SPTLC3: variants seen among roughly 807,000 people sequenced by gnomAD.
The protein encoded by SPTLC3 is serine palmitoyltransferase long chain base subunit 3, also known as serine palmitoyltransferase 3.
In SPTLC3, 36 loss-of-function variants were observed where a neutral mutation model predicts 59.3. The observed-to-expected ratio is 0.61, with a 90% CI of 0.47 to 0.80. SPTLC3 has a LOEUF of 0.80. SPTLC3 is among the 30% of genes least tolerant of loss of function. The pLI is 0.00. For synonymous variants in SPTLC3, 257 were observed against 240.8 expected, an observed-to-expected ratio of 1.07 and a Z score of -0.62; for missense variants, 625 against 685.1, an observed-to-expected ratio of 0.91 and a Z score of 0.98.
At chr20:13,059,605 C>A (rs556478057) in intron 2 of SPTLC3, among the ~76,000 whole-genome samples, 1 of 152,148 alleles carries the variant, frequency 6.6e-6, no homozygotes, top group Non-Finnish European at 1.5e-5. Flanking sequence ...TGGCAATTAA[C>A]GGTTACAGAT....
intron 11 of SPTLC3, among the ~76,000 whole-genome samples, chr20:13,164,201 G>C (rs2038952061): frequency 6.6e-6 from 1 of 152,148 alleles, no homozygotes; most frequent in South Asian, 2.1e-4. Context: ...AAGTAAGAGA[G>C]TTGAAACAGA....
At chr20:13,059,317 G>T (rs115641608) in intron 2 of SPTLC3, among the ~76,000 whole-genome samples, 3 of 152,148 alleles carry the variant, frequency 2.0e-5, no homozygotes, top group Non-Finnish European at 4.4e-5. Context: ...CTGTTACGTC[G>T]CTAGTATCGC....
chr20:13,118,569 T>G (rs1032324482), intron 8 of SPTLC3, among the ~76,000 whole-genome samples: 1 of 152,132 alleles, frequency 6.6e-6, no homozygotes, highest in Non-Finnish European at 1.5e-5. Context: ...GCCAGTTATC[T>G]GAACAATGAG....
intron 9 of SPTLC3, among the ~76,000 whole-genome samples, chr20:13,150,598 C>T (rs1347168221): frequency 6.6e-6 from 1 of 152,178 alleles, no homozygotes; most frequent in East Asian, 1.9e-4. Context: ...TTTGTTTTCT[C>T]CCTCTCTGGT....
intron 1 of SPTLC3, among the ~76,000 whole-genome samples, chr20:13,030,890 C>G (rs1986410133): frequency 6.6e-6 from 1 of 152,122 alleles, no homozygotes; most frequent in African/African-American, 2.4e-5. Flanking sequence ...TGAACTAGGT[C>G]AGATCCCATC....
At chr20:13,022,592 T>C (rs1468984249) in intron 1 of SPTLC3, among the ~76,000 whole-genome samples, 2 of 152,084 alleles carry the variant, frequency 1.3e-5, no homozygotes, top group African/African-American at 4.8e-5. Flanking sequence ...ACCTGGCACC[T>C]GGGCTGGGAA....
At chr20:13,150,862 G>T (rs954745622) in intron 9 of SPTLC3, among the ~76,000 whole-genome samples, 2 of 152,068 alleles carry the variant, frequency 1.3e-5, no homozygotes, top group Non-Finnish European at 2.9e-5. Flanking sequence ...TTTTTGTGTG[G>T]TTAGTACTTG....
intron 9 of SPTLC3, among the ~76,000 whole-genome samples, chr20:13,140,951 G>A (rs2038367496): frequency 2.0e-5 from 3 of 152,148 alleles, no homozygotes; most frequent in African/African-American, 7.2e-5. Context: ...ACCCAATGTG[G>A]ACTGGGAGAA....
intron 1 of SPTLC3, among the ~76,000 whole-genome samples, chr20:13,018,928 T>C (rs998015746): frequency 7.2e-5 from 11 of 152,250 alleles, no homozygotes; most frequent in African/African-American, 2.6e-4. Context: ...TGATTTGGAG[T>C]TCAAATTAAC....
At chr20:13,081,978 T>C (rs1359879456) in intron 4 of SPTLC3, among the ~76,000 whole-genome samples, 4 of 152,160 alleles carry the variant, frequency 2.6e-5, no homozygotes, top group Admixed American at 2.0e-4. Flanking sequence ...GACAACATAA[T>C]TGCCCTTCTC....
chr20:13,117,455 G>T lies in SPTLC3; in HGVS notation c.933-51G>T, dbSNP rs771458664. 4 of 1,495,646 alleles carry T rather than the reference G, an allele frequency of 2.7e-6. 1 individual carries two copies. The South Asian group carries it at 4.0e-5, about 15-fold the overall frequency. The allele number at this position is 1,495,646 out of a possible 1,614,324, so 92.6% of individuals were successfully genotyped here. On this transcript the variant is annotated intron_variant, in intron 7 of 11. Transcript: ENST00000399002. Reference sequence around the variant, plus strand: ...ATGTATTGATGGGGAAACTGACAGAGCTTCCCAGGAGGGTATTTGTTAGTT... The same window carrying T: ...ATGTATTGATGGGGAAACTGACAGATCTTCCCAGGAGGGTATTTGTTAGTT...
chr20:13,051,307 A>G (rs1987480039), intron 2 of SPTLC3, among the ~76,000 whole-genome samples: 1 of 152,238 alleles, frequency 6.6e-6, no homozygotes, highest in Non-Finnish European at 1.5e-5. Flanking sequence ...AATATCAGAC[A>G]ACTGTAAAGC....
intron 2 of SPTLC3, among the ~76,000 whole-genome samples, chr20:13,057,322 T>C (rs1182117942): frequency 1.1e-5 from 1 of 94,938 alleles, no homozygotes; most frequent in East Asian, 3.6e-4. Context: ...AAAATAAAAA[T>C]TATGATTTTT....
intron 4 of SPTLC3, among the ~76,000 whole-genome samples, chr20:13,089,800 AAAAAC>A (rs1415673899): frequency 2.0e-5 from 3 of 149,378 alleles, no homozygotes; most frequent in African/African-American, 5.0e-5. Flanking sequence ...AAAAAAAAAA[AAAAAC>A]AAAACAATGT....
intron 9 of SPTLC3, among the ~76,000 whole-genome samples, chr20:13,146,803 G>C (rs980640610): frequency 6.6e-6 from 1 of 152,158 alleles, no homozygotes; most frequent in Non-Finnish European, 1.5e-5. Context: ...ATAACTCCGT[G>C]AATGATGGAA....
chr20:13,151,851 G>A (rs2038655731), intron 9 of SPTLC3, among the ~76,000 whole-genome samples: 1 of 152,040 alleles, frequency 6.6e-6, no homozygotes, highest in South Asian at 2.1e-4. Flanking sequence ...CAGCCCTTCA[G>A]GACCTCTACC....
intron 8 of SPTLC3, among the ~76,000 whole-genome samples, chr20:13,124,553 G>A (rs1172566374): frequency 6.6e-6 from 1 of 152,056 alleles, no homozygotes; most frequent in Non-Finnish European, 1.5e-5. Flanking sequence ...GAAAAAGGAA[G>A]TCATAGAAGA....
intron 1 of SPTLC3, among the ~76,000 whole-genome samples, chr20:13,026,907 C>T (rs1255783812): frequency 6.6e-6 from 1 of 152,204 alleles, no homozygotes; most frequent in Non-Finnish European, 1.5e-5. Context: ...GGAGATTCAA[C>T]ACCCCCTAGA....
chr20:13,073,423 T>C (rs1988519717), intron 3 of SPTLC3, among the ~76,000 whole-genome samples: 1 of 152,174 alleles, frequency 6.6e-6, no homozygotes, highest in East Asian at 1.9e-4. Context: ...ACAATGCAAG[T>C]TAATAAGAAA....
Sources: gnomAD v4.1 joint callset for allele counts (sites outside exome capture counted in the v4.1 genomes callset) on GRCh38, gnomAD v4.1.1 for gene constraint, MANE v1.5 for transcripts, NCBI Gene and HGNC (gene_info 2026-07-23, HGNC 2026-07-21) for gene names.